STXBP5L: variants seen among roughly 807,000 people sequenced by gnomAD.
The protein encoded by STXBP5L is syntaxin-binding protein 5-like.
Under a neutral mutation model 144.5 loss-of-function variants are expected in STXBP5L, and 65 were observed. The observed-to-expected ratio is 0.45, with a 90% CI of 0.37 to 0.55. The LOEUF (loss-of-function observed/expected upper bound fraction) is 0.55, where lower values mean the gene tolerates loss of function less well. STXBP5L is among the 20% of genes least tolerant of loss of function. The probability of loss-of-function intolerance (pLI) is 0.00; values close to 1 mark genes in which losing one functional copy is unlikely to be tolerated. For synonymous variants in STXBP5L, 505 were observed against 469.6 expected (o/e 1.08, Z -0.97); for missense variants, 1,298 against 1,405.5 (o/e 0.92, Z 1.22).
chr3:120,948,409 C>T (rs1165538735), intron 2 of STXBP5L, among the ~76,000 whole-genome samples: 2 of 151,556 alleles, frequency 1.3e-5, no homozygotes, highest in South Asian at 4.2e-4. Flanking sequence ...ATTATCCTTT[C>T]CCATTTTTAT....
intron 3 of STXBP5L, among the ~76,000 whole-genome samples, chr3:120,961,980 A>T (rs1326660515): frequency 6.6e-6 from 1 of 152,124 alleles, no homozygotes; most frequent in African/African-American, 2.4e-5. Flanking sequence ...CTGGCATGAG[A>T]TGGTATCTCA....
chr3:121,182,694 T>C (rs559432779), intron 9 of STXBP5L, among the ~76,000 whole-genome samples: 1 of 152,132 alleles, frequency 6.6e-6, no homozygotes, highest in East Asian at 1.9e-4. Flanking sequence ...ATGCAAAAGA[T>C]AAATGAAACA....
Position 121,420,188 on chromosome 3 carries a change from A to G in STXBP5L, c.*1091A>G, listed in dbSNP as rs1461763964. On this transcript the variant is annotated 3_prime_UTR_variant, in exon 27 of 27. Coordinates refer to ENST00000471454, the MANE Select transcript of STXBP5L (RefSeq NM_001308330.2). ...GTAAAATCTCAGTTAATGTTTTGGG[A>G]AAGGGATTCTGATTTATGACATTTC... The G allele has an allele frequency of 6.6e-6, 1 of 152,110 alleles. No individual in the cohort carries two copies. The highest frequency in any genetic ancestry group is 1.5e-5 in the Non-Finnish European group (1 of 68,016). The allele number at this position is 152,110 out of a possible 1,614,324, so 9.4% of individuals were successfully genotyped here. A position where few individuals can be genotyped will look rare whatever the true frequency, so the allele number is the denominator to read the frequency against.
intron 5 of STXBP5L, among the ~76,000 whole-genome samples, chr3:121,104,669 G>A (rs551946219): frequency 6.6e-6 from 1 of 152,228 alleles, no homozygotes; most frequent in African/African-American, 2.4e-5. Flanking sequence ...TTCAACAAGT[G>A]GTGCTGGTAT....
intron 9 of STXBP5L, among the ~76,000 whole-genome samples, chr3:121,178,318 T>C (rs1350130986): frequency 2.6e-5 from 4 of 152,212 alleles, no homozygotes; most frequent in African/African-American, 9.6e-5. Flanking sequence ...AAACTACATT[T>C]TCTAGTCTCC....
intron 18 of STXBP5L, among the ~76,000 whole-genome samples, chr3:121,274,304 G>A (rs1176075258): frequency 6.6e-6 from 1 of 152,206 alleles, no homozygotes; most frequent in East Asian, 1.9e-4. Flanking sequence ...GAAAGACACA[G>A]GTATGGTCTC....
chr3:121,351,187 C>G (rs532170117), intron 20 of STXBP5L, among the ~76,000 whole-genome samples: 4 of 152,238 alleles, frequency 2.6e-5, no homozygotes, highest in African/African-American at 9.6e-5. Flanking sequence ...AGTCAGGACC[C>G]TCAGCTGCAG....
chr3:121,025,515 C>T (rs9289154), intron 3 of STXBP5L, among the ~76,000 whole-genome samples: 15,108 of 152,062 alleles, frequency 0.099, 1,183 homozygotes, highest in Admixed American at 0.2. Context: ...AGCATAGCTG[C>T]TTCTTTAAAT....
chr3:121,104,203 G>C (rs150733580), intron 5 of STXBP5L, among the ~76,000 whole-genome samples: 36 of 152,118 alleles, frequency 2.4e-4, no homozygotes, highest in African/African-American at 8.2e-4. Context: ...TAACTTATAT[G>C]GTAGGTAACA....
intron 5 of STXBP5L, among the ~76,000 whole-genome samples, chr3:121,094,689 T>G (rs1373382389): frequency 1.3e-5 from 2 of 152,238 alleles, no homozygotes; most frequent in Non-Finnish European, 2.9e-5. Flanking sequence ...ATGGTTTTCC[T>G]GAATACAACA....
At chr3:121,347,965 A>G (rs935259103) in intron 20 of STXBP5L, among the ~76,000 whole-genome samples, 1 of 152,134 alleles carries the variant, frequency 6.6e-6, no homozygotes, top group African/African-American at 2.4e-5. Flanking sequence ...CTCCTGCCTA[A>G]TTGCCCTGGC....
intron 5 of STXBP5L, among the ~76,000 whole-genome samples, chr3:121,090,141 G>A (rs766401208): frequency 5.3e-5 from 8 of 152,032 alleles, no homozygotes; most frequent in Non-Finnish European, 1.0e-4. Flanking sequence ...ATTAAAACCT[G>A]GACATTCCAG....
intron 5 of STXBP5L, among the ~76,000 whole-genome samples, chr3:121,062,866 A>G (rs2041351910): frequency 6.6e-6 from 1 of 152,136 alleles, no homozygotes; most frequent in African/African-American, 2.4e-5. Context: ...CAGGTCATTT[A>G]TGTTCTTCTC....
At chr3:121,113,118 G>A (rs2044069104) in intron 5 of STXBP5L, among the ~76,000 whole-genome samples, 1 of 152,080 alleles carries the variant, frequency 6.6e-6, no homozygotes, top group African/African-American at 2.4e-5. Flanking sequence ...ACTAGTTCAA[G>A]GAATAGTTCT....
intron 22 of STXBP5L, among the ~76,000 whole-genome samples, chr3:121,392,964 G>C (rs1363647285): frequency 6.6e-6 from 1 of 151,614 alleles, no homozygotes; most frequent in Non-Finnish European, 1.5e-5. Flanking sequence ...GGGATCACTT[G>C]ATCAAAAGAT....
At chr3:120,997,490 A>G (rs1160473085) in intron 3 of STXBP5L, among the ~76,000 whole-genome samples, 2 of 152,112 alleles carry the variant, frequency 1.3e-5, no homozygotes, top group Non-Finnish European at 1.5e-5. Context: ...TCTGACTGGT[A>G]TGATATATTT....
chr3:121,257,374 A>T, intron 17 of STXBP5L, 41 bp downstream of exon 17: 1 of 1,527,032 alleles, frequency 6.5e-7, no homozygotes, highest in Non-Finnish European at 8.9e-7. Flanking sequence ...TTTAGATATT[A>T]ATCATATGTC....
rs1007472649 is a variant in STXBP5L, at chr3:121,420,634, T to G, written c.*1537T>G. The stretch of plus-strand genomic sequence containing the variant: ...GTATATATACACATTCCAGGACCCA[T>G]CCTGTAATATGTTGTTTCGTCAAGA... On this transcript the variant is annotated 3_prime_UTR_variant, in exon 27 of 27. Coordinates refer to ENST00000471454, the MANE Select transcript of STXBP5L (RefSeq NM_001308330.2). 1.3e-5 allele frequency: 2 copies of G among 152,158 alleles called. No individual in the cohort carries two copies. Among genetic ancestry groups the G allele is most frequent in the African/African-American group, 4.8e-5 (2 of 41,438 alleles). The allele number at this position is 152,158 out of a possible 1,614,324, so 9.4% of individuals were successfully genotyped here. A position where few individuals can be genotyped will look rare whatever the true frequency, so the allele number is the denominator to read the frequency against.
In STXBP5L at chr3:121,131,088, A is replaced by T. The variant is rs981013811; in HGVS notation, c.669+9384A>T. The stretch of plus-strand genomic sequence containing the variant: ...TTGTAAGCTATGTTATAAATTAATC[A>T]ACATGCTAGTTCTTTGAATAGAACA... On this transcript the variant is annotated intron_variant, in intron 7 of 26. Transcript: ENST00000471454. Among the ~76,000 whole-genome samples, 5 of 152,136 alleles carry T rather than the reference A, an allele frequency of 3.3e-5. No homozygotes were observed. The East Asian group carries it at 9.6e-4, about 29-fold the overall frequency.
Sources: gnomAD v4.1 joint callset for allele counts (sites outside exome capture counted in the v4.1 genomes callset) on GRCh38, gnomAD v4.1.1 for gene constraint, MANE v1.5 for transcripts, NCBI Gene and HGNC (gene_info 2026-07-23, HGNC 2026-07-21) for gene names.